The following LAMA3 variants were observed in gnomAD, a reference collection of about 807,000 sequenced individuals.
LAMA3 encodes laminin subunit alpha-3.
LAMA3 carries 281 observed loss-of-function variants against 402.0 expected under a neutral mutation model. The ratio of observed to expected loss-of-function variants is 0.70; its 90% confidence interval spans 0.63 to 0.77. LAMA3 has a LOEUF of 0.77. Ranked by LOEUF, LAMA3 falls within the 30% of genes least tolerant of loss-of-function variation. The pLI is 0.00. For missense variants in LAMA3, 3,840 were observed against 4,215.5 expected, an observed-to-expected ratio of 0.91 and a Z score of 2.47; for synonymous variants, 1,431 against 1,558.4, an observed-to-expected ratio of 0.92 and a Z score of 1.93.
intron 67 of LAMA3, among the ~76,000 whole-genome samples, chr18:23,937,371 CAAAAAAAA>C (rs58274189): frequency 2.2e-5 from 2 of 92,918 alleles, no homozygotes; most frequent in East Asian, 5.0e-4. Flanking sequence ...TTCTCAAAAG[CAAAAAAAA>C]AAAAAAAAAA....
At chr18:23,826,919 A>G in intron 22 of LAMA3, 120 bp downstream of exon 22, 1 of 696,824 alleles carries the variant, frequency 1.4e-6, no homozygotes, top group Non-Finnish European at 2.6e-6. Flanking sequence ...CTGGATAATT[A>G]GTTGTTATCT....
chr18:23,713,990 G>A lies in LAMA3; in HGVS notation c.365G>A (p.Gly122Glu). 6.2e-7 allele frequency: 1 copy of A among 1,613,614 alleles called. No homozygotes were observed. The highest frequency in any genetic ancestry group is 2.2e-5 in the East Asian group (1 of 44,856). Residue 122 changes from glycine (G) to glutamate (E), a missense_variant, in exon 2 of 75, where the codon GGA (glycine) becomes GAA (glutamate). Transcript: ENST00000313654. Reference protein sequence around the residue: ...KAHPVTNAIDGSERWWQSPPL... With the variant: ...KAHPVTNAIDESERWWQSPPL... ...CATCCTGTCACCAATGCCATCGATG[G>A]ATCTGAACGTTGGTGGCAAAGCCCT... is the stretch of plus-strand genomic sequence containing the variant.
At chr18:23,766,633 T>A (rs1398569604) in intron 8 of LAMA3, among the ~76,000 whole-genome samples, 1 of 151,508 alleles carries the variant, frequency 6.6e-6, no homozygotes, top group East Asian at 1.9e-4. Context: ...AGGTCAGGAG[T>A]TTGAGACCAG....
chr18:23,889,241 A>G (rs1474799969), intron 41 of LAMA3, among the ~76,000 whole-genome samples: 2 of 152,192 alleles, frequency 1.3e-5, no homozygotes, highest in Non-Finnish European at 2.9e-5. Flanking sequence ...AGCCTGGGCA[A>G]CATAGCAAGA....
At chr18:23,738,010 A>G (rs2061503807) in intron 2 of LAMA3, among the ~76,000 whole-genome samples, 1 of 152,142 alleles carries the variant, frequency 6.6e-6, no homozygotes, top group East Asian at 1.9e-4. Flanking sequence ...GCCTCCAGGA[A>G]ATCCGGCTCT....
intron 12 of LAMA3, among the ~76,000 whole-genome samples, chr18:23,807,430 C>G (rs1411017150): frequency 6.6e-6 from 1 of 151,604 alleles, no homozygotes; most frequent in Middle Eastern, 3.4e-3. Context: ...ATCTAGTTAC[C>G]TATGTACATA....
intron 42 of LAMA3, among the ~76,000 whole-genome samples, chr18:23,891,268 C>A (rs1341387161): frequency 6.6e-6 from 1 of 152,068 alleles, no homozygotes; most frequent in Admixed American, 6.5e-5. Flanking sequence ...TCTTTTGGGC[C>A]CACAGAACAG....
intron 20 of LAMA3, among the ~76,000 whole-genome samples, chr18:23,823,087 A>G (rs369615686): frequency 3.3e-5 from 5 of 152,242 alleles, no homozygotes; most frequent in South Asian, 2.1e-4. Context: ...TTAAGCATCC[A>G]CGGTTCATTC....
At chr18:23,742,125 A>G (rs1375042057) in intron 2 of LAMA3, among the ~76,000 whole-genome samples, 3 of 152,232 alleles carry the variant, frequency 2.0e-5, no homozygotes, top group Non-Finnish European at 2.9e-5. Context: ...CTGACTCAAA[A>G]CAAACAAACA....
At position 23,833,844 on chromosome 18, in the gene LAMA3, G is replaced by T. The variant is rs369119520; in HGVS notation, c.2840G>T (p.Arg947Leu). 6.2e-7 allele frequency: 1 copy of T among 1,613,152 alleles called. No individual in the cohort carries two copies. The highest frequency in any genetic ancestry group is 1.3e-5 in the African/African-American group (1 of 74,898). Reference sequence around the variant, plus strand: ...CTGTGACAGGTGGAATTGCATCTGCGGCTGCGCATCCCACAGGTTGGCCAC... The same window carrying T: ...CTGTGACAGGTGGAATTGCATCTGCTGCTGCGCATCCCACAGGTTGGCCAC... ...LSGREVELHL[R>L]LRIPQVGHYV... Residue 947 changes from arginine (R) to leucine (L), a missense_variant, in exon 24 of 75, where the codon CGG becomes CTG. Transcript: ENST00000313654.
In LAMA3 at chr18:23,816,465, G is replaced by A. The variant is rs201490988; in HGVS notation, c.2125G>A (p.Val709Ile). The change falls in exon 18 of 75, where the codon GTC becomes ATC. Residue 709 changes from valine to isoleucine, a missense_variant. This residue lies in a region of LAMA3 where 2,109 missense variants were observed against 2,376.0 expected (regional missense o/e 0.89). Coordinates refer to ENST00000313654, the MANE Select transcript of LAMA3 (RefSeq NM_198129.4). ...PSGVCQCREH[V>I]VGKVCQRPEN... ...GGGAGTGTGCCAGTGCCGAGAGCAT[G>A]TCGTGGGAAAGGTGTGCCAGCGGTG... The A allele has an allele frequency of 9.3e-6, 15 of 1,614,112 alleles. No homozygotes were observed. The East Asian group carries it at 3.1e-4, about 34-fold the overall frequency.
At chr18:23,843,915 C>T (rs983725866) in intron 29 of LAMA3, among the ~76,000 whole-genome samples, 6 of 152,306 alleles carry the variant, frequency 3.9e-5, no homozygotes, top group African/African-American at 1.4e-4. Context: ...CTGTCTGTTT[C>T]TCTACCTGGA....
intron 10 of LAMA3, 81 bp from the exon 11 acceptor site, chr18:23,777,476 T>C: frequency 1.0e-6 from 1 of 955,086 alleles, no homozygotes; most frequent in South Asian, 1.3e-5. Context: ...AGAGGGTGTC[T>C]TCCTAGTTAG....
At chr18:23,904,339 CG>C (rs2081170850) in intron 50 of LAMA3, among the ~76,000 whole-genome samples, 1 of 151,862 alleles carries the variant, frequency 6.6e-6, no homozygotes, top group African/African-American at 2.4e-5. Context: ...AAATGAAATG[CG>C]AAGAGGCTGG....
chr18:23,808,884 A>G (rs2063014371), intron 12 of LAMA3, among the ~76,000 whole-genome samples: 1 of 152,220 alleles, frequency 6.6e-6, no homozygotes, highest in Admixed American at 6.5e-5. Flanking sequence ...TAAATAAATT[A>G]CCAGAACTGG....
At position 23,904,565 on chromosome 18, in the gene LAMA3, C is replaced by T. The variant is rs185563091; in HGVS notation, c.6486C>T (p.Asn2162=). The T allele has an allele frequency of 1.3e-5, 21 of 1,595,882 alleles. No homozygotes were observed. In the Admixed American group the frequency reaches 1.8e-4, roughly 13 times the overall value. ...CCCTGTCTTCCAGGATCAAGAGAAA[C>T]GCCAGCGGGGATGAGCTGGTGCGCT... ...LAKQLEEIKR[N]ASGDELVRCA... The change falls in exon 51 of 75, where the codon AAC becomes AAT. Residue 2162 remains asparagine (N), a synonymous_variant. Transcript: ENST00000313654.
rs377441367 is a variant in LAMA3 at position 23,791,049 on chromosome 18, C to T, written c.1603+6892C>T. On this transcript the variant is annotated intron_variant, in intron 12 of 74. Coordinates refer to ENST00000313654, the MANE Select transcript of LAMA3 (RefSeq NM_198129.4). ...TACTACAGGCGCCCGCCACTGCGCC[C>T]GGCTAATTTTTTGTGTTTTTAGTAG... Among the ~76,000 whole-genome samples, 40 of 152,200 alleles carry T rather than the reference C, an allele frequency of 2.6e-4. No homozygotes were observed. In the East Asian group the frequency reaches 5.2e-3, roughly 20 times the overall value.
intron 11 of LAMA3, among the ~76,000 whole-genome samples, chr18:23,779,882 C>G (rs528701675): frequency 6.6e-6 from 1 of 152,282 alleles, no homozygotes; most frequent in South Asian, 2.1e-4. Context: ...TACCCACACT[C>G]CTCCTCAGTC....
chr18:23,693,732 T>TA (rs2060635556), intron 1 of LAMA3, among the ~76,000 whole-genome samples: 1 of 152,222 alleles, frequency 6.6e-6, no homozygotes, highest in African/African-American at 2.4e-5. Flanking sequence ...GGGGAGATTT[T>TA]AATTTTTAAG....
Sources: gnomAD v4.1 joint callset for allele counts (sites outside exome capture counted in the v4.1 genomes callset) on GRCh38, gnomAD v4.1.1 for gene constraint, gnomAD v4.1.1 regional missense constraint, MANE v1.5 for transcripts, NCBI Gene and HGNC (gene_info 2026-07-23, HGNC 2026-07-21) for gene names.